Variants in PDE6D observed in about 807,000 individuals in gnomAD.
The protein encoded by PDE6D is retinal rod rhodopsin-sensitive cGMP 3',5'-cyclic phosphodiesterase subunit delta.
Under a neutral mutation model 21.9 loss-of-function variants are expected in PDE6D, and 10 were observed. The observed-to-expected ratio is 0.46, with a 90% CI of 0.28 to 0.78. The LOEUF (loss-of-function observed/expected upper bound fraction) is 0.78, where lower values mean the gene tolerates loss of function less well. Ranked by LOEUF, PDE6D falls within the 30% of genes least tolerant of loss-of-function variation. The pLI, the probability that PDE6D is intolerant of heterozygous loss-of-function variation, is 0.12. For synonymous variants in PDE6D, 59 were observed against 63.5 expected, an observed-to-expected ratio of 0.93 and a Z score of 0.34; for missense variants, 139 against 184.8, an observed-to-expected ratio of 0.75 and a Z score of 1.44.
In PDE6D at chr2:231,732,827, A is replaced by G. The variant is rs143995900; in HGVS notation, c.*125T>C. On this transcript the variant is annotated 3_prime_UTR_variant, in exon 5 of 5. Transcript: ENST00000287600. ...AGCTGGTCCCCTGGTGGCTGCAGGT[A>G]GGTTCTGCTGTTGAGGGAATTAGGG... The G allele has an allele frequency of 9.6e-4, 654 of 680,514 alleles. 3 individuals carry two copies. The highest frequency in any genetic ancestry group is 6.5e-3 in the African/African-American group (364 of 56,060). 42.2% of individuals were successfully genotyped at this position (680,514 alleles called of 1,614,324 possible). A position where few individuals can be genotyped will look rare whatever the true frequency, so the allele number is the denominator to read the frequency against.
At chr2:231,767,911 T>A (rs2048985050) in intron 1 of PDE6D, among the ~76,000 whole-genome samples, 1 of 151,178 alleles carries the variant, frequency 6.6e-6, no homozygotes, top group African/African-American at 2.4e-5. Context: ...AGTGGCACAA[T>A]CTTGGCTCAC....
At position 231,772,325 on chromosome 2, in the gene PDE6D, G is replaced by A. The variant is rs62198562; in HGVS notation, c.50+8740C>T. On this transcript the variant is annotated intron_variant, in intron 1 of 4. Coordinates refer to ENST00000287600, the MANE Select transcript of PDE6D (RefSeq NM_002601.4). ...CTAAACAAGCTTTCATGTGTCCTAC[G>A]GTGAGACCATCGCCTTCTTTGCCAT... 1.0e-2 allele frequency among the ~76,000 whole-genome samples: 1,517 copies of A among 152,124 alleles called. 26 individuals carry two copies. The highest frequency in any genetic ancestry group is 0.05 in the South Asian group (243 of 4,822).
chr2:231,733,816 TC>T (rs980568890), intron 4 of PDE6D, among the ~76,000 whole-genome samples: 4 of 152,194 alleles, frequency 2.6e-5, no homozygotes, highest in Admixed American at 2.6e-4. Context: ...ATTTCATTTT[TC>T]TTGGTGGGTA....
intron 1 of PDE6D, among the ~76,000 whole-genome samples, chr2:231,759,446 T>C (rs1164414942): frequency 6.6e-6 from 1 of 152,110 alleles, no homozygotes; most frequent in Non-Finnish European, 1.5e-5. Context: ...TTGGAGCTTA[T>C]TATTCGTGTG....
intron 1 of PDE6D, among the ~76,000 whole-genome samples, chr2:231,756,822 T>C (rs1379379417): frequency 6.6e-6 from 1 of 151,066 alleles, no homozygotes; most frequent in Non-Finnish European, 1.5e-5. Flanking sequence ...GAATTCCCTG[T>C]GGTGAAGCAT....
At chr2:231,745,562 C>T (rs2106266712) in intron 1 of PDE6D, among the ~76,000 whole-genome samples, 1 of 152,310 alleles carries the variant, frequency 6.6e-6, no homozygotes. Context: ...TATGGGAAGC[C>T]TCCTGCTTAG....
intron 1 of PDE6D, among the ~76,000 whole-genome samples, chr2:231,777,491 CTATGGGCA>C (rs1168679243): frequency 6.6e-6 from 1 of 152,086 alleles, no homozygotes. Flanking sequence ...TTTCTATCTA[CTATGGGCA>C]TATGGGCAAG....
intron 1 of PDE6D, among the ~76,000 whole-genome samples, chr2:231,777,109 A>G (rs2049063640): frequency 6.6e-6 from 1 of 152,174 alleles, no homozygotes; most frequent in Non-Finnish European, 1.5e-5. Context: ...TACTATCAAC[A>G]CTGTTGGCAG....
At chr2:231,748,904 T>TCC (rs1026514543) in intron 1 of PDE6D, among the ~76,000 whole-genome samples, 7 of 152,200 alleles carry the variant, frequency 4.6e-5, no homozygotes, top group African/African-American at 1.7e-4. Context: ...TTTGGGAACC[T>TCC]CCGCCTGGAG....
intron 1 of PDE6D, among the ~76,000 whole-genome samples, chr2:231,753,559 TAAAATAAATAAATA>T (rs2048860165): frequency 6.8e-6 from 1 of 147,884 alleles, no homozygotes; most frequent in Non-Finnish European, 1.5e-5. Context: ...TCAAAAAAAA[TAAAATAAATAAATA>T]AAAATAAATA....
intron 1 of PDE6D, among the ~76,000 whole-genome samples, chr2:231,758,770 C>T (rs188975339): frequency 6.6e-6 from 1 of 152,248 alleles, no homozygotes; most frequent in Non-Finnish European, 1.5e-5. Context: ...ATCTGGAGAT[C>T]TTGTTAAAAT....
In PDE6D at chr2:231,739,279, G is replaced by T. The variant is rs1167721741; in HGVS notation, c.51-91C>A. 6 of 832,524 alleles carry T rather than the reference G, an allele frequency of 7.2e-6. No homozygotes were observed. The highest frequency in any genetic ancestry group is 1.3e-5 in the Non-Finnish European group (6 of 472,228). The allele number at this position is 832,524 out of a possible 1,614,324, so 51.6% of individuals were successfully genotyped here. On this transcript the variant is annotated intron_variant, in intron 1 of 4. Transcript: ENST00000287600. The surrounding 1 kb of genome is among the most constrained non-coding windows in gnomAD (Gnocchi z 4.2). ...CTCATGTTTACTCCCACCAACTCTT[G>T]TTTACTTTTTAAAAAGTTTGTCAAA...
At chr2:231,771,379 A>G (rs2049014562) in intron 1 of PDE6D, among the ~76,000 whole-genome samples, 1 of 152,252 alleles carries the variant, frequency 6.6e-6, no homozygotes, top group Non-Finnish European at 1.5e-5. Context: ...AAAAAGACAA[A>G]ACAAGGCTTA....
intron 1 of PDE6D, among the ~76,000 whole-genome samples, chr2:231,754,130 C>T (rs1193289029): frequency 1.3e-5 from 2 of 152,122 alleles, no homozygotes; most frequent in African/African-American, 4.8e-5. Flanking sequence ...GAATAAACCT[C>T]TCCCTAACTT....
Position 231,781,126 on chromosome 2 carries a change from C to G in PDE6D, c.-12G>C, listed in dbSNP as rs913529881. Reference sequence around the variant, plus strand: ...TCCTTGGCTGACATGATGCGGCGGTCGCCGCCCGCGGCTTTCTCACTCTGG... The same window carrying G: ...TCCTTGGCTGACATGATGCGGCGGTGGCCGCCCGCGGCTTTCTCACTCTGG... On this transcript the variant is annotated 5_prime_UTR_variant, in exon 1 of 5. Coordinates refer to ENST00000287600, the MANE Select transcript of PDE6D (RefSeq NM_002601.4). 3 of 1,610,438 alleles carry G rather than the reference C, an allele frequency of 1.9e-6. No individual in the cohort carries two copies. Among genetic ancestry groups the G allele is most frequent in the Admixed American group, 1.7e-5 (1 of 59,916 alleles).
At chr2:231,743,376 A>T (rs565792709) in intron 1 of PDE6D, among the ~76,000 whole-genome samples, 2 of 148,276 alleles carry the variant, frequency 1.3e-5, no homozygotes, top group African/African-American at 2.5e-5. Flanking sequence ...GTGAGCAGTG[A>T]GCCAAGATCA....
chr2:231,774,557 C>T (rs190546816), intron 1 of PDE6D, among the ~76,000 whole-genome samples: 1 of 152,146 alleles, frequency 6.6e-6, no homozygotes, highest in East Asian at 1.9e-4. Context: ...AATGAGAGTG[C>T]CCCTTTCCCT....
intron 1 of PDE6D, among the ~76,000 whole-genome samples, chr2:231,757,487 AG>A (rs1054718622): frequency 6.6e-6 from 1 of 151,916 alleles, no homozygotes; most frequent in Admixed American, 6.6e-5. Flanking sequence ...TAGTAGAGAC[AG>A]GGTTTCACCA....
intron 1 of PDE6D, among the ~76,000 whole-genome samples, chr2:231,770,220 T>C (rs1347794481): frequency 6.6e-6 from 1 of 152,216 alleles, no homozygotes; most frequent in African/African-American, 2.4e-5. Flanking sequence ...TGATCATCAC[T>C]GAAGTTGCTA....
Sources: gnomAD v4.1 joint callset for allele counts (sites outside exome capture counted in the v4.1 genomes callset) on GRCh38, gnomAD v4.1.1 for gene constraint, Gnocchi (gnomAD v3.1) non-coding constraint, MANE v1.5 for transcripts, NCBI Gene and HGNC (gene_info 2026-07-23, HGNC 2026-07-21) for gene names.